NPAS3: variants seen among roughly 807,000 people sequenced by gnomAD.
NPAS3 encodes the protein neuronal PAS domain protein 3.
NPAS3 carries 14 observed loss-of-function variants against 73.1 expected under a neutral mutation model. The observed-to-expected ratio is 0.19, with a 90% confidence interval of 0.13 to 0.30. NPAS3 has a LOEUF of 0.30. Ranked by LOEUF, NPAS3 falls within the 10% of genes least tolerant of loss-of-function variation. NPAS3 has a pLI of 1.00. For synonymous variants in NPAS3, 620 were observed against 541.5 expected (o/e 1.14, Z -2.01); for missense variants, 1,096 against 1,250.0 (o/e 0.88, Z 1.86).
intron 2 of NPAS3, among the ~76,000 whole-genome samples, chr14:33,089,695 G>A (rs967995709): frequency 5.3e-5 from 8 of 152,060 alleles, no homozygotes; most frequent in Non-Finnish European, 7.4e-5. Flanking sequence ...ACACATAATT[G>A]TCAGATTCAC....
chr14:33,801,261 CCTGA>C, downstream of NPAS3: 1 of 1,403,734 alleles, frequency 7.1e-7, no homozygotes, highest in Non-Finnish European at 9.4e-7. Flanking sequence ...CTTTCTTTCA[CCTGA>C]CTTATTCTTT....
At chr14:33,613,603 C>G (rs1309561013) in intron 5 of NPAS3, among the ~76,000 whole-genome samples, 1 of 152,098 alleles carries the variant, frequency 6.6e-6, no homozygotes, top group Admixed American at 6.5e-5. Context: ...CTTCGGTGTT[C>G]AGGGGAATGA....
chr14:33,586,786 G>A (rs1160210899), intron 5 of NPAS3, among the ~76,000 whole-genome samples: 2 of 152,182 alleles, frequency 1.3e-5, no homozygotes, highest in Non-Finnish European at 2.9e-5. Flanking sequence ...TGGGCCATTG[G>A]CTTTATTAGG....
chr14:33,339,795 A>G (rs911441128), intron 3 of NPAS3, among the ~76,000 whole-genome samples: 1 of 152,204 alleles, frequency 6.6e-6, no homozygotes. Flanking sequence ...GTAGCATTTC[A>G]GTTCTTTGTT....
intron 1 of NPAS3, among the ~76,000 whole-genome samples, chr14:33,033,427 C>T (rs547458893): frequency 1.2e-3 from 190 of 152,018 alleles, no homozygotes; most frequent in South Asian, 2.5e-3. Flanking sequence ...TGCAGTGAGC[C>T]GGGATTGCGC....
chr14:33,529,975 A>T (rs1041336180), intron 4 of NPAS3, among the ~76,000 whole-genome samples: 1 of 152,184 alleles, frequency 6.6e-6, no homozygotes, highest in African/African-American at 2.4e-5. Flanking sequence ...TGCGCCAGGC[A>T]TCTGTCCCAT....
intron 5 of NPAS3, among the ~76,000 whole-genome samples, chr14:33,568,259 T>C (rs2056058634): frequency 6.6e-6 from 1 of 152,218 alleles, no homozygotes; most frequent in African/African-American, 2.4e-5. Context: ...CTGTAATTTA[T>C]TCATATTTAA....
intron 4 of NPAS3, among the ~76,000 whole-genome samples, chr14:33,552,541 T>C (rs2055166612): frequency 6.6e-6 from 1 of 152,202 alleles, no homozygotes. Context: ...ATATATTATA[T>C]ATAATACGTG....
intron 4 of NPAS3, among the ~76,000 whole-genome samples, chr14:33,463,577 G>A (rs75776431): frequency 0.015 from 2,271 of 152,214 alleles, 52 homozygotes; most frequent in African/African-American, 0.05. Context: ...TAAAAGCTCC[G>A]TATGCTCTGC....
At chr14:33,514,545 C>T (rs1297054036) in intron 4 of NPAS3, among the ~76,000 whole-genome samples, 1 of 151,878 alleles carries the variant, frequency 6.6e-6, no homozygotes, top group African/African-American at 2.4e-5. Context: ...AGCAAAATCT[C>T]CTGAGAAGTT....
intron 2 of NPAS3, among the ~76,000 whole-genome samples, chr14:33,070,307 T>A (rs2041440827): frequency 6.6e-6 from 1 of 152,178 alleles, no homozygotes; most frequent in African/African-American, 2.4e-5. Flanking sequence ...GTTGTTGTTT[T>A]TTTCATCCCT....
At chr14:33,772,515 T>G (rs1261401974) in intron 7 of NPAS3, among the ~76,000 whole-genome samples, 1 of 152,234 alleles carries the variant, frequency 6.6e-6, no homozygotes, top group African/African-American at 2.4e-5. Context: ...GAATACCAAG[T>G]GGGGATTTAT....
chr14:33,639,199 T>C (rs562417867), intron 5 of NPAS3, among the ~76,000 whole-genome samples: 8 of 152,282 alleles, frequency 5.3e-5, no homozygotes, highest in Non-Finnish European at 1.0e-4. Context: ...AGCCCCTCTG[T>C]AGCTAATAGT....
chr14:33,656,314 C>A (rs563545979), intron 5 of NPAS3, among the ~76,000 whole-genome samples: 1 of 152,300 alleles, frequency 6.6e-6, no homozygotes, highest in African/African-American at 2.4e-5. Context: ...CTTATTATTA[C>A]AGCTGCCAGT....
chr14:33,411,995 A>C (rs990550143), intron 4 of NPAS3, among the ~76,000 whole-genome samples: 3 of 152,202 alleles, frequency 2.0e-5, no homozygotes, highest in Admixed American at 6.5e-5. Flanking sequence ...TGTACAATGT[A>C]AAAGCTATAC....
chr14:33,174,757 C>G (rs531980621), intron 2 of NPAS3, among the ~76,000 whole-genome samples: 4 of 152,084 alleles, frequency 2.6e-5, no homozygotes, highest in African/African-American at 9.6e-5. Context: ...AGAATAGGAG[C>G]AAGGAAGAAA....
intron 2 of NPAS3, among the ~76,000 whole-genome samples, chr14:33,079,739 G>C (rs1566538150): frequency 6.7e-6 from 1 of 148,838 alleles, no homozygotes; most frequent in African/African-American, 2.5e-5. Flanking sequence ...AGGCTCCTGA[G>C]TAGCTGGGAT....
intron 7 of NPAS3, among the ~76,000 whole-genome samples, chr14:33,755,667 T>G (rs2062092755): frequency 6.6e-6 from 1 of 152,150 alleles, no homozygotes; most frequent in Non-Finnish European, 1.5e-5. Context: ...TGGTGTTATT[T>G]AATAATATTA....
chr14:33,571,560 T>C (rs2056216360), intron 5 of NPAS3, among the ~76,000 whole-genome samples: 1 of 152,118 alleles, frequency 6.6e-6, no homozygotes, highest in Admixed American at 6.6e-5. Flanking sequence ...CTTTTGATGG[T>C]AAAGTAGGTA....
Sources: allele counts gnomAD v4.1 joint callset (sites outside exome capture counted in the v4.1 genomes callset), GRCh38; gene constraint gnomAD v4.1.1; transcripts MANE v1.5; gene names NCBI Gene and HGNC (gene_info 2026-07-23, HGNC 2026-07-21).